GET1: variants seen among roughly 807,000 people sequenced by gnomAD.
The protein encoded by GET1 is guided entry of tail-anchored proteins factor 1.
In GET1, 20 loss-of-function variants were observed where a neutral mutation model predicts 22.6. The observed-to-expected ratio is 0.89, with a 90% CI of 0.62 to 1.29. The LOEUF (loss-of-function observed/expected upper bound fraction) is 1.29. Ranked by LOEUF, GET1 falls within the 50% of genes most tolerant of loss-of-function variation. The pLI, the probability that GET1 is intolerant of heterozygous loss-of-function variation, is 0.00. For missense variants in GET1, 209 were observed against 219.9 expected (o/e 0.95, Z 0.31); for synonymous variants, 92 against 83.8 (o/e 1.10, Z -0.53).
chr21:39,405,285 C>CTGGG (rs1216740653), intron 4 of GET1, among the ~76,000 whole-genome samples: 1 of 152,184 alleles, frequency 6.6e-6, no homozygotes, highest in African/African-American at 2.4e-5. Context: ...AAGCCTCGAC[C>CTGGG]TGGGCACAAG....
rs574496294 is a variant in GET1 at position 39,404,983 on chromosome 21, C to T, written c.350-931C>T. Among the ~76,000 whole-genome samples the T allele has an allele frequency of 7.2e-5, 11 of 151,908 alleles. No homozygotes were observed. The South Asian group carries it at 2.3e-3, about 32-fold the overall frequency. ...GGTAGCTGCCATTACAGGCATGTGC[C>T]ACCACACCCAGCTGATTTTTTGTAT... On this transcript the variant is annotated intron_variant, in intron 4 of 4. Transcript: ENST00000415847.
intron 1 of GET1, chr21:39,411,716 A>G (rs199749311): frequency 7.1e-6 from 10 of 1,400,510 alleles, no homozygotes; most frequent in Non-Finnish European, 7.9e-6. Flanking sequence ...ATTAAAACAT[A>G]CCTTTTGGAT....
rs1194589760 is a variant in GET1, at chr21:39,414,730, C to CTG, written c.*23+3794_*23+3795insGT. Among the ~76,000 whole-genome samples the CTG allele has an allele frequency of 4.4e-5, 5 of 113,494 alleles. No individual in the cohort carries two copies. The South Asian group carries it at 9.4e-4, about 21-fold the overall frequency. The allele number at this position is 113,494 out of a possible 152,430, so 74.5% of individuals were successfully genotyped here. On this transcript the variant is annotated intron_variant, in intron 1 of 1. Coordinates refer to the GET1 transcript ENST00000478273. ...GTTCTCTCCCTCTCTCTCTCTCTCT[C>CTG]TCTCTCTCTCTCTGTGTGTGTGTGT...
At position 39,423,469 on chromosome 21, in the gene GET1, T is replaced by C. The variant is rs757398379; in HGVS notation, c.*24-4763T>C. On this transcript the variant is annotated intron_variant, in intron 1 of 1. Transcript: ENST00000478273. Reference sequence around the variant, plus strand: ...TGATGCATTCCAGGTGTGCTTTTTTTCAACTGATATTTCCTTCTGGCCTGT... The same window carrying C: ...TGATGCATTCCAGGTGTGCTTTTTTCCAACTGATATTTCCTTCTGGCCTGT... The C allele has an allele frequency of 1.9e-5, 30 of 1,565,774 alleles. No homozygotes were observed. The highest frequency in any genetic ancestry group is 2.7e-5 in the African/African-American group (2 of 73,082).
chr21:39,399,293 T>TA (rs976124075), downstream of GET1, among the ~76,000 whole-genome samples: 27 of 152,288 alleles, frequency 1.8e-4, no homozygotes, highest in African/African-American at 6.0e-4. Flanking sequence ...TGTTTTTTTT[T>TA]AAAAATGGAA....
intron 1 of GET1, among the ~76,000 whole-genome samples, chr21:39,385,586 C>A (rs919489489): frequency 1.3e-5 from 2 of 152,214 alleles, no homozygotes; most frequent in African/African-American, 2.4e-5. Flanking sequence ...AACAAAGACG[C>A]CTTTGGTGAG....
chr21:39,422,356 A>T (rs945110835), intron 1 of GET1: 4 of 152,350 alleles, frequency 2.6e-5, no homozygotes, highest in Non-Finnish European at 5.9e-5. Context: ...ATCCCTTATA[A>T]TGTAATCCCC....
Position 39,380,368 on chromosome 21 carries a change from A to C in GET1, c.-17A>C, listed in dbSNP as rs769671909. Reference sequence around the variant, plus strand: ...GGAGCTGCCGTAGCGGACCCAGCACAGCCAGGAGCGTCCGGGATGAGCTCA... The same window carrying C: ...GGAGCTGCCGTAGCGGACCCAGCACCGCCAGGAGCGTCCGGGATGAGCTCA... On this transcript the variant is annotated 5_prime_UTR_variant, in exon 1 of 5. Transcript: ENST00000649170. 4.5e-5 allele frequency: 72 copies of C among 1,588,926 alleles called. 1 individual carries two copies. The highest frequency in any genetic ancestry group is 3.7e-4 in the South Asian group (33 of 88,286).
At chr21:39,414,742 C>CTCTGTGTGTGTGTGTGTG (rs1341489035) in intron 1 of GET1, among the ~76,000 whole-genome samples, 29 of 99,232 alleles carry the variant, frequency 2.9e-4, no homozygotes, top group African/African-American at 6.2e-4. Context: ...CTCTCTCTCT[C>CTCTGTGTGTGTGTGTGTG]TGTGTGTGTG....
chr21:39,406,661 T>G (rs770016441), downstream of GET1: 1 of 1,417,700 alleles, frequency 7.1e-7, no homozygotes. Context: ...TGAATGGATC[T>G]CTATTTCAAG....
chr21:39,391,596 A>G, intron 2 of GET1, 173 bp from the exon 3 acceptor site: 2 of 632,840 alleles, frequency 3.2e-6, no homozygotes, highest in East Asian at 3.0e-5. Flanking sequence ...TAATGGCATA[A>G]TGAGATGGTG....
chr21:39,396,234 A>G (rs1181913237), intron 4 of GET1, among the ~76,000 whole-genome samples: 5 of 152,126 alleles, frequency 3.3e-5, no homozygotes, highest in Admixed American at 1.3e-4. Context: ...TGTCTGTACT[A>G]AAAATACAAA....
At chr21:39,393,460 T>C (rs2038438877) in intron 4 of GET1, among the ~76,000 whole-genome samples, 180 bp downstream of exon 4, 1 of 152,188 alleles carries the variant, frequency 6.6e-6, no homozygotes, top group African/African-American at 2.4e-5. Flanking sequence ...GTTACTTCAC[T>C]TGTCCAGTGT....
At chr21:39,414,861 A>C (rs2040859791) in intron 1 of GET1, among the ~76,000 whole-genome samples, 1 of 151,514 alleles carries the variant, frequency 6.6e-6, no homozygotes, top group Admixed American at 6.6e-5. Context: ...ATCTTCCAGA[A>C]ATTCTTTGTT....
Position 39,385,148 on chromosome 21 carries a change from A to G in GET1, c.102+4662A>G, listed in dbSNP as rs553441405. Among the ~76,000 whole-genome samples the G allele has an allele frequency of 1.1e-4, 17 of 152,256 alleles. No homozygotes were observed. The South Asian group carries it at 1.2e-3, about 11-fold the overall frequency. ...CTCATGACAAGCAGCAGAAAGTCGA[A>G]TTGGGAAAACAGTGCCCTCAGGGAT... is the stretch of plus-strand genomic sequence containing the variant. On this transcript the variant is annotated intron_variant, in intron 1 of 4. Transcript: ENST00000649170.
intron 1 of GET1, among the ~76,000 whole-genome samples, chr21:39,389,090 TCCTC>T (rs1158994387): frequency 2.6e-5 from 4 of 151,560 alleles, no homozygotes; most frequent in African/African-American, 9.7e-5. Context: ...CTCCCTCCCT[TCCTC>T]CCTTCTTCCC....
intron 1 of GET1, among the ~76,000 whole-genome samples, chr21:39,389,075 C>T (rs1166335130): frequency 6.6e-6 from 1 of 152,144 alleles, no homozygotes; most frequent in Admixed American, 6.5e-5. Flanking sequence ...TTCCTTCCTT[C>T]CTTCCTCCCT....
intron 1 of GET1, among the ~76,000 whole-genome samples, chr21:39,416,794 C>T (rs970512749): frequency 1.4e-4 from 22 of 152,186 alleles, no homozygotes; most frequent in Non-Finnish European, 2.9e-4. Flanking sequence ...TATATCATTA[C>T]TAAACAGTGT....
chr21:39,390,714 A>G lies in GET1; in HGVS notation c.119A>G (p.Gln40Arg), dbSNP rs879302098. The change falls in exon 2 of 5, where the codon CAG (glutamine) becomes CGG (arginine). Residue 40 changes from glutamine to arginine, a missense_variant. Gln to Arg is a conservative substitution (Grantham distance 43). Transcript: ENST00000649170. ...SFSSFMSRVLQKDAEQESQMR... is the reference protein window; with the variant it reads ...SFSSFMSRVLRKDAEQESQMR... ...CCCTGCCAGATGTCCAGGGTGCTGCAGAAGGACGCGGAGCAGGAGTCACAG... is the reference window on the plus strand; with the variant it reads ...CCCTGCCAGATGTCCAGGGTGCTGCGGAAGGACGCGGAGCAGGAGTCACAG... 5.1e-5 allele frequency: 82 copies of G among 1,614,076 alleles called. No individual in the cohort carries two copies. The highest frequency in any genetic ancestry group is 6.8e-5 in the Non-Finnish European group (80 of 1,180,042).
Sources: gnomAD v4.1 joint callset for allele counts (sites outside exome capture counted in the v4.1 genomes callset) on GRCh38, gnomAD v4.1.1 for gene constraint, MANE v1.5 for transcripts, NCBI Gene and HGNC (gene_info 2026-07-23, HGNC 2026-07-21) for gene names.